Variants in DTNB observed in about 807,000 individuals in gnomAD.
DTNB encodes dystrobrevin beta.
A neutral mutation model predicts 90.7 loss-of-function variants in DTNB; 63 were observed. The observed-to-expected ratio is 0.69, with a 90% CI of 0.57 to 0.86. DTNB has a LOEUF of 0.86. DTNB is among the 40% of genes least tolerant of loss of function. The pLI, the probability that DTNB is intolerant of heterozygous loss-of-function variation, is 0.00. For missense variants in DTNB, 744 were observed against 807.1 expected (o/e 0.92, Z 0.95); for synonymous variants, 277 against 286.7 (o/e 0.97, Z 0.34).
chr2:25,556,802 G>C (rs562524360), intron 8 of DTNB, among the ~76,000 whole-genome samples: 3 of 150,556 alleles, frequency 2.0e-5, no homozygotes, highest in South Asian at 4.1e-4. Context: ...GGGGAGAAGA[G>C]GAGATAAAGG....
At chr2:25,466,876 G>A (rs533551462) in intron 10 of DTNB, among the ~76,000 whole-genome samples, 9 of 152,136 alleles carry the variant, frequency 5.9e-5, no homozygotes, top group Non-Finnish European at 1.2e-4. Context: ...TAATTCTGGC[G>A]ACCATGTTTC....
At chr2:25,390,966 G>A (rs866035125) in intron 16 of DTNB, among the ~76,000 whole-genome samples, 1 of 147,062 alleles carries the variant, frequency 6.8e-6, no homozygotes, top group Non-Finnish European at 1.5e-5. Context: ...GTGCAATCTC[G>A]GCTCACCACA....
At chr2:25,543,909 A>C (rs1367738148) in intron 8 of DTNB, among the ~76,000 whole-genome samples, 1 of 152,186 alleles carries the variant, frequency 6.6e-6, no homozygotes, top group Non-Finnish European at 1.5e-5. Flanking sequence ...TAGTTTTATG[A>C]ATTAGATGTT....
chr2:25,616,595 A>G (rs915816922), intron 4 of DTNB, among the ~76,000 whole-genome samples: 5 of 149,014 alleles, frequency 3.4e-5, no homozygotes, highest in African/African-American at 1.2e-4. Context: ...AGAATCTGTT[A>G]ATTTACAGAA....
At chr2:25,489,614 T>C (rs1319712678) in intron 9 of DTNB, among the ~76,000 whole-genome samples, 1 of 152,084 alleles carries the variant, frequency 6.6e-6, no homozygotes, top group Non-Finnish European at 1.5e-5. Flanking sequence ...GCCCAGTATT[T>C]TGAGGCCAGC....
At chr2:25,551,995 T>C (rs1287783842) in intron 8 of DTNB, among the ~76,000 whole-genome samples, 2 of 152,228 alleles carry the variant, frequency 1.3e-5, no homozygotes, top group African/African-American at 4.8e-5. Context: ...CAATCAAACA[T>C]TTAATTTCCA....
intron 5 of DTNB, among the ~76,000 whole-genome samples, chr2:25,606,085 T>C (rs981285588): frequency 6.6e-6 from 1 of 151,936 alleles, no homozygotes; most frequent in Non-Finnish European, 1.5e-5. Context: ...TTCAGTGTCA[T>C]GGTAAAGTAA....
intron 3 of DTNB, among the ~76,000 whole-genome samples, chr2:25,629,286 G>C (rs1395635375): frequency 6.6e-6 from 1 of 152,190 alleles, no homozygotes; most frequent in Non-Finnish European, 1.5e-5. Flanking sequence ...AAGGAAATCT[G>C]AAAGTATACT....
intron 6 of DTNB, among the ~76,000 whole-genome samples, chr2:25,593,640 A>C (rs1245643045): frequency 6.6e-6 from 1 of 152,192 alleles, no homozygotes; most frequent in African/African-American, 2.4e-5. Flanking sequence ...TCAGGTTGTG[A>C]GTTCAAAGCC....
At chr2:25,607,385 A>G in intron 4 of DTNB, 64 bp from the exon 5 acceptor site, 3 of 1,479,512 alleles carry the variant, frequency 2.0e-6, no homozygotes, top group Non-Finnish European at 2.8e-6. Context: ...CGAATGTATC[A>G]CTAAATACTG....
At chr2:25,646,002 G>A (rs1430534808) in intron 2 of DTNB, among the ~76,000 whole-genome samples, 2 of 152,088 alleles carry the variant, frequency 1.3e-5, no homozygotes, top group Non-Finnish European at 2.9e-5. Flanking sequence ...AAATATGATG[G>A]AAATGTAAAC....
At chr2:25,480,096 A>G (rs1056165430) in intron 10 of DTNB, among the ~76,000 whole-genome samples, 5 of 152,366 alleles carry the variant, frequency 3.3e-5, no homozygotes, top group Middle Eastern at 6.8e-3. Flanking sequence ...TGAAAAGCCA[A>G]GTCTATGAAT....
At chr2:25,384,558 G>C (rs953474162) in intron 18 of DTNB, among the ~76,000 whole-genome samples, 1 of 152,168 alleles carries the variant, frequency 6.6e-6, no homozygotes, top group African/African-American at 2.4e-5. Context: ...GCTGGTAAGA[G>C]AAAACCATGT....
At chr2:25,411,232 G>A (rs912724751) in intron 16 of DTNB, among the ~76,000 whole-genome samples, 12 of 152,008 alleles carry the variant, frequency 7.9e-5, no homozygotes, top group East Asian at 1.9e-4. Flanking sequence ...GGTGGCGTGC[G>A]CCTGTAATCC....
intron 5 of DTNB, among the ~76,000 whole-genome samples, chr2:25,606,724 TA>T (rs1183409933): frequency 2.6e-5 from 4 of 151,360 alleles, no homozygotes; most frequent in Admixed American, 6.6e-5. Flanking sequence ...GACTAATGGT[TA>T]AAAAAAAATT....
At chr2:25,584,681 T>C (rs2062082621) in intron 6 of DTNB, among the ~76,000 whole-genome samples, 1 of 152,030 alleles carries the variant, frequency 6.6e-6, no homozygotes, top group African/African-American at 2.4e-5. Flanking sequence ...CTCAGCCTCC[T>C]AAGTATCTGG....
At chr2:25,491,857 C>T (rs1182604998) in intron 9 of DTNB, among the ~76,000 whole-genome samples, 1 of 151,638 alleles carries the variant, frequency 6.6e-6, no homozygotes, top group East Asian at 1.9e-4. Context: ...TTTAACCTTA[C>T]ACCAAGCCAA....
At chr2:25,380,906 G>A (rs2149492746) in intron 19 of DTNB, among the ~76,000 whole-genome samples, 1 of 152,348 alleles carries the variant, frequency 6.6e-6, no homozygotes, top group South Asian at 2.1e-4. Context: ...CAGCACCCTG[G>A]GGCCTGGAGG....
chr2:25,599,206 G>A (rs780935549), intron 5 of DTNB, among the ~76,000 whole-genome samples: 2 of 150,728 alleles, frequency 1.3e-5, no homozygotes, highest in African/African-American at 2.4e-5. Flanking sequence ...ACTAGATTAC[G>A]GAATAAAGGA....
Sources: gnomAD v4.1 joint callset for allele counts (sites outside exome capture counted in the v4.1 genomes callset) on GRCh38, gnomAD v4.1.1 for gene constraint, MANE v1.5 for transcripts, NCBI Gene and HGNC (gene_info 2026-07-23, HGNC 2026-07-21) for gene names.